Variants in RIC1 observed in about 807,000 individuals in gnomAD.
RIC1 encodes RIC1 partner of RAB6A GEF complex.
A neutral mutation model predicts 169.0 loss-of-function variants in RIC1; 88 were observed. The observed-to-expected ratio is 0.52, with a 90% CI of 0.44 to 0.62. The LOEUF (loss-of-function observed/expected upper bound fraction) is 0.62. Ranked by LOEUF, RIC1 falls within the 20% of genes least tolerant of loss-of-function variation. The probability of loss-of-function intolerance (pLI) is 0.00; values close to 1 mark genes in which losing one functional copy is unlikely to be tolerated. For synonymous variants in RIC1, 790 were observed against 601.5 expected (o/e 1.31, Z -4.59); for missense variants, 1,877 against 1,725.5 (o/e 1.09, Z -1.56).
Position 5,753,242 on chromosome 9 carries a change from A to T in RIC1, c.1491+4A>T. 6.2e-7 allele frequency: 1 copy of T among 1,613,300 alleles called. No individual in the cohort carries two copies. Among genetic ancestry groups the T allele is most frequent in the Non-Finnish European group, 8.5e-7 (1 of 1,179,340 alleles). On this transcript the variant is annotated splice_donor_region_variant and intron_variant, in intron 13 of 25. Transcript: ENST00000414202. Reference sequence around the variant, plus strand: ...AGAGAGCAATTGGCCTATACGGGTGAGTTGTTATTTTGTTGGTGTTAACTT... The same window carrying T: ...AGAGAGCAATTGGCCTATACGGGTGTGTTGTTATTTTGTTGGTGTTAACTT...
intron 1 of RIC1, among the ~76,000 whole-genome samples, chr9:5,651,438 C>T (rs1818795051): frequency 6.6e-6 from 1 of 151,816 alleles, no homozygotes; most frequent in African/African-American, 2.4e-5. Flanking sequence ...GCTGTTGTTG[C>T]CTGTGCTTTT....
rs1349573180 is a variant in RIC1 at position 5,773,940 on chromosome 9, T to G, written c.3984-18T>G. 9 of 1,541,274 alleles carry G rather than the reference T, an allele frequency of 5.8e-6. No individual in the cohort carries two copies. The Admixed American group carries it at 8.4e-5, about 14-fold the overall frequency. On this transcript the variant is annotated intron_variant, in intron 25 of 25. Coordinates refer to ENST00000414202, the MANE Select transcript of RIC1 (RefSeq NM_020829.4). ...TTGAATTATGGCAGATGAGCTAATGTTTTTTTTCTCTACATAGTCCTGGAT... is the reference window on the plus strand; with the variant it reads ...TTGAATTATGGCAGATGAGCTAATGGTTTTTTTCTCTACATAGTCCTGGAT...
chr9:5,725,018 C>CT (rs1823871752), intron 6 of RIC1, among the ~76,000 whole-genome samples: 1 of 152,052 alleles, frequency 6.6e-6, no homozygotes, highest in African/African-American at 2.4e-5. Context: ...CTAATATTCT[C>CT]TTTTTTTGTT....
intron 3 of RIC1, among the ~76,000 whole-genome samples, chr9:5,701,922 C>T (rs1822247199): frequency 6.6e-6 from 1 of 152,184 alleles, no homozygotes; most frequent in Non-Finnish European, 1.5e-5. Flanking sequence ...ATACATCCCA[C>T]TTATGCAGGG....
At chr9:5,683,841 A>G (rs1457325315) in intron 2 of RIC1, among the ~76,000 whole-genome samples, 6 of 152,202 alleles carry the variant, frequency 3.9e-5, no homozygotes, top group Non-Finnish European at 5.9e-5. Flanking sequence ...AGCCTCGGGA[A>G]TGGCGGGCGC....
At chr9:5,679,230 T>G (rs1310242902) in intron 2 of RIC1, among the ~76,000 whole-genome samples, 1 of 151,914 alleles carries the variant, frequency 6.6e-6, no homozygotes, top group East Asian at 1.9e-4. Context: ...CAGTACTGTT[T>G]TGGTTACTAT....
intron 9 of RIC1, among the ~76,000 whole-genome samples, chr9:5,743,323 G>C (rs1372752539): frequency 6.6e-6 from 1 of 152,118 alleles, no homozygotes; most frequent in Non-Finnish European, 1.5e-5. Context: ...GGGTGGTAAG[G>C]CATGTACATA....
chr9:5,714,729 G>A (rs1477902719), intron 4 of RIC1, among the ~76,000 whole-genome samples: 1 of 152,184 alleles, frequency 6.6e-6, no homozygotes, highest in African/African-American at 2.4e-5. Flanking sequence ...TTAAAAGGGA[G>A]ATGAGGTATC....
At chr9:5,778,494 C>G (rs1313618687), downstream of RIC1, among the ~76,000 whole-genome samples, 1 of 152,158 alleles carries the variant, frequency 6.6e-6, no homozygotes, top group Admixed American at 6.5e-5. Context: ...TCTCTCATCA[C>G]TAATTATGAT....
At chr9:5,702,683 C>G (rs768875127) in intron 3 of RIC1, among the ~76,000 whole-genome samples, 9 of 152,104 alleles carry the variant, frequency 5.9e-5, no homozygotes, top group Non-Finnish European at 1.0e-4. Context: ...GGACTACAGG[C>G]ACACGCCGCC....
intron 3 of RIC1, among the ~76,000 whole-genome samples, chr9:5,704,907 G>C (rs1384446282): frequency 2.0e-5 from 3 of 152,100 alleles, no homozygotes; most frequent in Admixed American, 6.6e-5. Context: ...AGTTGTCTTA[G>C]TACAGAGAAT....
At chr9:5,636,993 T>A (rs1818002624) in intron 1 of RIC1, among the ~76,000 whole-genome samples, 1 of 152,000 alleles carries the variant, frequency 6.6e-6, no homozygotes, top group Non-Finnish European at 1.5e-5. Flanking sequence ...GCACAGCAAT[T>A]TTTTTTTAAG....
intron 21 of RIC1, among the ~76,000 whole-genome samples, 188 bp from the exon 22 acceptor site, chr9:5,768,782 C>A (rs897666245): frequency 6.6e-6 from 1 of 152,128 alleles, no homozygotes; most frequent in Non-Finnish European, 1.5e-5. Context: ...GTCTTAAGAG[C>A]CTTCTGTGTT....
Position 5,772,932 on chromosome 9 carries a change from T to G in RIC1, c.3835T>G (p.Trp1279Gly). 1.2e-6 allele frequency: 2 copies of G among 1,613,692 alleles called. No homozygotes were observed. The highest frequency in any genetic ancestry group is 1.7e-6 in the Non-Finnish European group (2 of 1,179,766). ...TTTCATGGAGGCAGGGTGCCTAGAC[T>G]GGTGCATCGTTATAGGCCTGATTCT... ...HIFMEAGCLD[W>G]CIVIGLILRE... is the part of the protein sequence containing the mutation. Residue 1279 changes from tryptophan (W) to glycine (G), a missense_variant, in exon 25 of 26, where the codon TGG (tryptophan) becomes GGG (glycine). By Grantham distance (184) the Trp-to-Gly change is radical. Around this residue, in one of 3 missense-constraint regions of RIC1, gnomAD observed 681 missense variants for 582.0 expected, o/e 1.17. Coordinates refer to ENST00000414202, the MANE Select transcript of RIC1 (RefSeq NM_020829.4).
At chr9:5,650,722 G>T (rs1401898286) in intron 1 of RIC1, among the ~76,000 whole-genome samples, 1 of 152,094 alleles carries the variant, frequency 6.6e-6, no homozygotes, top group African/African-American at 2.4e-5. Context: ...CAGGGTTTAG[G>T]CTCTCAGAAG....
At chr9:5,743,135 A>C in intron 9 of RIC1, 122 bp downstream of exon 9, 1 of 821,706 alleles carries the variant, frequency 1.2e-6, no homozygotes, top group Non-Finnish European at 1.9e-6. Context: ...AACAATTTGC[A>C]AAGTTCATAA....
At chr9:5,648,879 A>G (rs1818660818) in intron 1 of RIC1, among the ~76,000 whole-genome samples, 1 of 152,108 alleles carries the variant, frequency 6.6e-6, no homozygotes, top group Non-Finnish European at 1.5e-5. Flanking sequence ...GAGTTGTTTG[A>G]GTTCCTTGTA....
chr9:5,671,463 A>G (rs1410528165), intron 2 of RIC1, among the ~76,000 whole-genome samples: 2 of 151,968 alleles, frequency 1.3e-5, no homozygotes, highest in African/African-American at 4.8e-5. Flanking sequence ...CTTAGTAGCG[A>G]CAGGGTTTTG....
chr9:5,668,912 A>G (rs1329184359), intron 2 of RIC1, among the ~76,000 whole-genome samples: 2 of 152,054 alleles, frequency 1.3e-5, no homozygotes, highest in East Asian at 1.9e-4. Context: ...TTTCTGCCAT[A>G]TTCTTTATTT....
Sources: gnomAD v4.1 joint callset for allele counts (sites outside exome capture counted in the v4.1 genomes callset) on GRCh38, gnomAD v4.1.1 for gene constraint, gnomAD v4.1.1 regional missense constraint, MANE v1.5 for transcripts, NCBI Gene and HGNC (gene_info 2026-07-23, HGNC 2026-07-21) for gene names.